FAM153A: variants seen among roughly 807,000 people sequenced by gnomAD.
FAM153A encodes the protein family with sequence similarity 153 member A.
A neutral mutation model predicts 48.1 loss-of-function variants in FAM153A; 12 were observed. The ratio of observed to expected loss-of-function variants is 0.25; its 90% CI spans 0.16 to 0.40. The LOEUF is 0.40. Ranked by LOEUF, FAM153A falls within the 10% of genes least tolerant of loss-of-function variation. The probability of loss-of-function intolerance (pLI) is 1.00; values close to 1 mark genes in which losing one functional copy is unlikely to be tolerated. For synonymous variants in FAM153A, 36 were observed against 118.2 expected (o/e 0.30, Z 4.51); for missense variants, 111 against 345.8 (o/e 0.32, Z 5.38).
exon 12 of FAM153A, chr5:177,736,592 G>T: frequency 1.3e-6 from 2 of 1,570,462 alleles, no homozygotes; most frequent in Non-Finnish European, 8.6e-7. Context: ...CGGCCAGTGT[G>T]TCTGGGTCCC....
chr5:177,700,358 T>C, the FAM153A span, among the ~76,000 whole-genome samples: 7 of 151,874 alleles, frequency 4.6e-5, no homozygotes, highest in African/African-American at 7.3e-5. Context: ...AGAAAAAGTA[T>C]TAAAAGGCAT....
At chr5:177,701,135 T>C in the FAM153A span, among the ~76,000 whole-genome samples, 3 of 151,854 alleles carry the variant, frequency 2.0e-5, no homozygotes, top group South Asian at 2.1e-4. Context: ...GCTCCCACCA[T>C]GTGAGATGCC....
At chr5:177,717,004 G>T (rs1197567942) in intron 24 of FAM153A, among the ~76,000 whole-genome samples, 1 of 82,576 alleles carries the variant, frequency 1.2e-5, no homozygotes, top group Non-Finnish European at 2.5e-5. Flanking sequence ...TGTGTGTAGA[G>T]TCTGGTCTCA....
chr5:177,696,374 G>C, the FAM153A span, among the ~76,000 whole-genome samples: 1 of 150,776 alleles, frequency 6.6e-6, no homozygotes, highest in Non-Finnish European at 1.5e-5. Flanking sequence ...ATTCCCAGGT[G>C]GGGCGGCTGG....
chr5:177,749,913 GA>G (rs1254104338), intron 2 of FAM153A, among the ~76,000 whole-genome samples: 1 of 144,558 alleles, frequency 6.9e-6, no homozygotes, highest in African/African-American at 2.6e-5. Flanking sequence ...AGCTAAATTA[GA>G]AAATTATGTT....
chr5:177,696,379 G>A, the FAM153A span, among the ~76,000 whole-genome samples: 23 of 151,716 alleles, frequency 1.5e-4, no homozygotes, highest in Admixed American at 5.2e-4. Flanking sequence ...CAGGTGGGGC[G>A]GCTGGGCAGA....
At chr5:177,709,032 T>A (rs1445120740), downstream of FAM153A, among the ~76,000 whole-genome samples, 2 of 129,076 alleles carry the variant, frequency 1.5e-5, no homozygotes, top group African/African-American at 6.0e-5. Context: ...GGGGCAGAGG[T>A]TGCAATGAGC....
downstream of FAM153A, among the ~76,000 whole-genome samples, chr5:177,707,360 T>C (rs1385663105): frequency 1.3e-5 from 2 of 151,868 alleles, no homozygotes; most frequent in African/African-American, 4.9e-5. Context: ...AGAGAAACGT[T>C]GGAAACTCTC....
the FAM153A span, among the ~76,000 whole-genome samples, chr5:177,699,634 C>T: frequency 1.1e-4 from 17 of 152,370 alleles, no homozygotes; most frequent in East Asian, 2.3e-3. Flanking sequence ...TAGAAACACA[C>T]AAACTACTGA....
At chr5:177,702,847 G>A in the FAM153A span, among the ~76,000 whole-genome samples, 1 of 151,882 alleles carries the variant, frequency 6.6e-6, no homozygotes, top group Non-Finnish European at 1.5e-5. Context: ...TGAGGCTTTG[G>A]AGACTCTGCC....
the FAM153A span, among the ~76,000 whole-genome samples, chr5:177,695,967 A>G: frequency 1.0e-3 from 75 of 72,972 alleles, no homozygotes; most frequent in African/African-American, 2.3e-3. Context: ...GGCTGGGCAG[A>G]GGCACTCCCC....
downstream of FAM153A, among the ~76,000 whole-genome samples, chr5:177,710,127 T>TC (rs755055273): frequency 4.6e-5 from 7 of 150,546 alleles, no homozygotes; most frequent in East Asian, 1.4e-3. Context: ...TTTTTTTTTT[T>TC]CCCTGAGACG....
intron 25 of FAM153A, among the ~76,000 whole-genome samples, chr5:177,715,314 CAAG>C (rs1186512644): frequency 2.0e-5 from 3 of 147,100 alleles, no homozygotes; most frequent in African/African-American, 5.1e-5. Context: ...AATATTATAA[CAAG>C]AAAGATGTAA....
the FAM153A span, among the ~76,000 whole-genome samples, chr5:177,696,443 C>T: frequency 6.6e-6 from 1 of 151,948 alleles, no homozygotes; most frequent in African/African-American, 2.4e-5. Context: ...CCTCACATCT[C>T]AGTTTTTGAG....
chr5:177,716,045 G>C (rs1424751009), intron 25 of FAM153A, among the ~76,000 whole-genome samples: 1 of 149,834 alleles, frequency 6.7e-6, no homozygotes, highest in African/African-American at 2.5e-5. Context: ...GTGCAGTGGC[G>C]CAATCTTAGC....
chr5:177,707,001 G>C (rs573128056), downstream of FAM153A: 88 of 152,058 alleles, frequency 5.8e-4, 2 homozygotes, highest in African/African-American at 2.0e-3. Context: ...CAAGAAGGTA[G>C]GACAGTTGTC....
the FAM153A span, among the ~76,000 whole-genome samples, chr5:177,699,522 G>A: frequency 6.6e-6 from 1 of 152,062 alleles, no homozygotes; most frequent in Non-Finnish European, 1.5e-5. Context: ...AGGAATGAGA[G>A]TGTAGATGTT....
upstream of FAM153A, chr5:177,753,341 C>G: frequency 3.0e-6 from 2 of 668,882 alleles, no homozygotes; most frequent in Non-Finnish European, 5.0e-6. Flanking sequence ...TCGCAAGCAT[C>G]CATGTCACAA....
intron 1 of FAM153A, among the ~76,000 whole-genome samples, chr5:177,752,618 CAAAAAAAAAAA>C (rs71274705): frequency 8.1e-4 from 25 of 31,012 alleles, no homozygotes; most frequent in Admixed American, 1.6e-3. Flanking sequence ...GAGACTCTGC[CAAAAAAAAAAA>C]AAAAAAAAAA....
Sources: gnomAD v4.1 joint callset for allele counts (sites outside exome capture counted in the v4.1 genomes callset) on GRCh38, gnomAD v4.1.1 for gene constraint, MANE v1.5 for transcripts, NCBI Gene and HGNC (gene_info 2026-07-23, HGNC 2026-07-21) for gene names.